The following STK3 variants were observed in gnomAD, a reference collection of about 807,000 sequenced individuals.
STK3 encodes the protein serine/threonine kinase 3.
STK3 carries 41 observed loss-of-function variants against 58.0 expected under a neutral mutation model. The observed-to-expected ratio is 0.71, with a 90% CI of 0.55 to 0.92. The LOEUF is 0.92. Ranked by LOEUF, STK3 falls within the 40% of genes least tolerant of loss-of-function variation. The pLI is 0.00. For missense variants in STK3, 479 were observed against 602.7 expected (o/e 0.79, Z 2.15); for synonymous variants, 170 against 191.0 (o/e 0.89, Z 0.91).
chr8:98,570,399 C>A (rs2131679899), intron 8 of STK3, among the ~76,000 whole-genome samples: 1 of 152,048 alleles, frequency 6.6e-6, no homozygotes, highest in East Asian at 1.9e-4. Context: ...TCTTGGCCTC[C>A]CAAAGTGCTG....
At chr8:98,483,489 A>G (rs1412155782) in intron 10 of STK3, among the ~76,000 whole-genome samples, 1 of 152,196 alleles carries the variant, frequency 6.6e-6, no homozygotes, top group African/African-American at 2.4e-5. Context: ...CTTTTTCCCC[A>G]AAGTAAATTT....
chr8:98,656,748 T>C (rs1464843410), intron 6 of STK3, among the ~76,000 whole-genome samples: 7 of 152,136 alleles, frequency 4.6e-5, no homozygotes, highest in African/African-American at 1.2e-4. Flanking sequence ...TGGTAATATA[T>C]ATAGAAAGAT....
intron 1 of STK3, among the ~76,000 whole-genome samples, chr8:98,937,071 T>C (rs1171757247): frequency 6.6e-6 from 1 of 152,218 alleles, no homozygotes; most frequent in East Asian, 1.9e-4. Flanking sequence ...AGCTCATCAC[T>C]TCTTATAAGA....
At position 98,455,043 on chromosome 8, in the gene STK3, A is replaced by G. The variant is rs573021776; in HGVS notation, c.*799T>C. ...ACATGAAACAATATTAACAAATTACATTTGTATTAAGTTTTTATTTAAAAA... is the reference window on the plus strand; with the variant it reads ...ACATGAAACAATATTAACAAATTACGTTTGTATTAAGTTTTTATTTAAAAA... On this transcript the variant is annotated 3_prime_UTR_variant, in exon 11 of 11. Transcript: ENST00000419617. The G allele has an allele frequency of 6.5e-6, 1 of 152,744 alleles. No homozygotes were observed. The highest frequency in any genetic ancestry group is 1.5e-5 in the Non-Finnish European group (1 of 68,010). The allele number at this position is 152,744 out of a possible 1,614,324, so 9.5% of individuals were successfully genotyped here. A position where few individuals can be genotyped will look rare whatever the true frequency, so the allele number is the denominator to read the frequency against.
intron 6 of STK3, among the ~76,000 whole-genome samples, chr8:98,655,317 C>T (rs1176594205): frequency 7.2e-5 from 11 of 152,246 alleles, no homozygotes; most frequent in South Asian, 4.1e-4. Flanking sequence ...TTCCTTACAC[C>T]TTATACAAAA....
chr8:98,927,095 C>T (rs4636173), intron 1 of STK3, among the ~76,000 whole-genome samples: 1 of 152,138 alleles, frequency 6.6e-6, no homozygotes, highest in South Asian at 2.1e-4. Context: ...TCTAGATGGG[C>T]GCAGTTCTGA....
At chr8:98,627,934 G>A (rs1818861036) in intron 6 of STK3, among the ~76,000 whole-genome samples, 1 of 152,096 alleles carries the variant, frequency 6.6e-6, no homozygotes, top group South Asian at 2.1e-4. Context: ...ACACTATGTT[G>A]TTTTAACATC....
chr8:98,747,185 A>T (rs1288651432), intron 4 of STK3, among the ~76,000 whole-genome samples: 1 of 152,094 alleles, frequency 6.6e-6, no homozygotes, highest in African/African-American at 2.4e-5. Context: ...ACAGAAAGAA[A>T]TAAAGAACAA....
chr8:98,374,602 G>C (rs1246446031), intron 2 of STK3, among the ~76,000 whole-genome samples: 1 of 152,170 alleles, frequency 6.6e-6, no homozygotes, highest in Non-Finnish European at 1.5e-5. Flanking sequence ...GTCAGTCCTG[G>C]AGAGCAAATG....
intron 9 of STK3, among the ~76,000 whole-genome samples, chr8:98,534,044 A>G (rs1306859588): frequency 6.6e-6 from 1 of 152,224 alleles, no homozygotes; most frequent in African/African-American, 2.4e-5. Flanking sequence ...TGTATTTGAG[A>G]AAGTATTGTG....
At chr8:98,451,726 C>T (rs918198154), downstream of STK3, among the ~76,000 whole-genome samples, 3 of 152,034 alleles carry the variant, frequency 2.0e-5, no homozygotes, top group Non-Finnish European at 2.9e-5. Context: ...TTGTATGGAA[C>T]AGGGCAAAAC....
At chr8:98,903,100 T>C (rs1028827368) in intron 1 of STK3, among the ~76,000 whole-genome samples, 1 of 152,214 alleles carries the variant, frequency 6.6e-6, no homozygotes, top group Non-Finnish European at 1.5e-5. Flanking sequence ...GTTCTAGCCA[T>C]GCGGGTCTCC....
intron 6 of STK3, among the ~76,000 whole-genome samples, chr8:98,633,126 G>A (rs954810780): frequency 7.9e-5 from 12 of 152,110 alleles, no homozygotes; most frequent in African/African-American, 4.8e-5. Context: ...CACACAAGAT[G>A]CAAAGGAAGC....
intron 6 of STK3, among the ~76,000 whole-genome samples, chr8:98,663,195 C>T (rs1345120853): frequency 6.6e-6 from 1 of 152,126 alleles, no homozygotes; most frequent in African/African-American, 2.4e-5. Flanking sequence ...ACAACCCCAA[C>T]AAAAAGTGGG....
At chr8:98,363,044 G>C in the STK3 span, among the ~76,000 whole-genome samples, 10 of 152,184 alleles carry the variant, frequency 6.6e-5, no homozygotes, top group African/African-American at 1.9e-4. Context: ...AAAGGCTCAT[G>C]CATTCTGAAT....
At chr8:98,830,006 C>G (rs1023579576), upstream of STK3, among the ~76,000 whole-genome samples, 1 of 151,808 alleles carries the variant, frequency 6.6e-6, no homozygotes, top group Non-Finnish European at 1.5e-5. Flanking sequence ...GTGGGCGGAT[C>G]ACTTGAGGTC....
chr8:98,832,385 T>C (rs1472523158), intron 3 of STK3, among the ~76,000 whole-genome samples: 2 of 151,932 alleles, frequency 1.3e-5, no homozygotes, highest in African/African-American at 4.8e-5. Context: ...TTTACATGCA[T>C]TAAAATTAAG....
chr8:98,934,118 C>G (rs1044778962), intron 1 of STK3, among the ~76,000 whole-genome samples: 3 of 152,202 alleles, frequency 2.0e-5, no homozygotes, highest in Non-Finnish European at 4.4e-5. Context: ...AAGGCCATTC[C>G]TGCCTTTAGC....
rs62532611 is a variant in STK3 at position 98,891,510 on chromosome 8, G to A, written c.-78-7676C>T. 6.9e-3 allele frequency among the ~76,000 whole-genome samples: 1,050 copies of A among 152,104 alleles called. 8 individuals are homozygous for A. The highest frequency in any genetic ancestry group is 0.011 in the Non-Finnish European group (716 of 67,994). Reference sequence around the variant, plus strand: ...ATAACATTTAAATATCCATGGTATAGCACTCTTGATATGTACATAGCAGGG... The same window carrying A: ...ATAACATTTAAATATCCATGGTATAACACTCTTGATATGTACATAGCAGGG... On this transcript the variant is annotated intron_variant, in intron 1 of 1. Transcript: ENST00000519420.
Sources: allele counts gnomAD v4.1 joint callset (sites outside exome capture counted in the v4.1 genomes callset), GRCh38; gene constraint gnomAD v4.1.1; transcripts MANE v1.5; gene names NCBI Gene and HGNC (gene_info 2026-07-23, HGNC 2026-07-21).